The following RNF111 variants were observed in gnomAD, a reference collection of about 807,000 sequenced individuals.
RNF111 encodes the protein ring finger protein 111.
Under a neutral mutation model 95.1 loss-of-function variants are expected in RNF111, and 17 were observed. The ratio of observed to expected loss-of-function variants is 0.18; its 90% confidence interval spans 0.12 to 0.27. The LOEUF (loss-of-function observed/expected upper bound fraction) is 0.27. RNF111 is among the 10% of genes least tolerant of loss of function. The probability of loss-of-function intolerance (pLI) is 1.00; values close to 1 mark genes in which losing one functional copy is unlikely to be tolerated. For synonymous variants in RNF111, 440 were observed against 414.8 expected (o/e 1.06, Z -0.74); for missense variants, 1,189 against 1,210.4 (o/e 0.98, Z 0.26).
intron 1 of RNF111, among the ~76,000 whole-genome samples, chr15:58,999,230 G>A (rs937985598): frequency 6.6e-6 from 1 of 152,162 alleles, no homozygotes; most frequent in Non-Finnish European, 1.5e-5. Flanking sequence ...CTTCTGTTAA[G>A]CTAGTCATTA....
intron 1 of RNF111, among the ~76,000 whole-genome samples, chr15:59,006,904 GC>G (rs1344313448): frequency 3.3e-5 from 5 of 152,120 alleles, no homozygotes; most frequent in Non-Finnish European, 7.3e-5. Context: ...CTCTGCCTCA[GC>G]CCCCCGAGTA....
chr15:59,030,750 A>G (rs1366053946), intron 1 of RNF111, 54 bp from the exon 2 acceptor site: 2 of 1,248,490 alleles, frequency 1.6e-6, no homozygotes, highest in Non-Finnish European at 2.2e-6. Context: ...CTTCAATTAA[A>G]TAGTATAATA....
intron 2 of RNF111, among the ~76,000 whole-genome samples, chr15:59,050,749 T>C (rs976688017): frequency 6.6e-6 from 1 of 152,228 alleles, no homozygotes; most frequent in African/African-American, 2.4e-5. Context: ...TCTTCCTGTC[T>C]CCTTACTTTT....
At chr15:59,063,715 A>G (rs1290780249) in intron 5 of RNF111, among the ~76,000 whole-genome samples, 1 of 152,214 alleles carries the variant, frequency 6.6e-6, no homozygotes, top group African/African-American at 2.4e-5. Flanking sequence ...AAATGCTCGA[A>G]GGCAAAAGAG....
At chr15:58,988,685 G>C (rs2038677695) in intron 1 of RNF111, among the ~76,000 whole-genome samples, 1 of 152,244 alleles carries the variant, frequency 6.6e-6, no homozygotes, top group Non-Finnish European at 1.5e-5. Context: ...ATAGGTTATA[G>C]TAGATAGATC....
rs573181525 is a variant in RNF111 at position 59,096,823 on chromosome 15, G to T, written c.*1923G>T. ...TTTGCCACTGGAATACCCCGGGTCT[G>T]TGCCAAGGGACTGAAGAAGTGTAAG... On this transcript the variant is annotated 3_prime_UTR_variant, in exon 14 of 14. Coordinates refer to ENST00000348370, the MANE Select transcript of RNF111 (RefSeq NM_017610.8). The T allele has an allele frequency of 1.2e-4, 19 of 152,342 alleles. No individual in the cohort carries two copies. The highest frequency in any genetic ancestry group is 3.6e-4 in the African/African-American group (15 of 41,576). The allele number at this position is 152,342 out of a possible 1,614,324, so 9.4% of individuals were successfully genotyped here. A position where few individuals can be genotyped will look rare whatever the true frequency, so the allele number is the denominator to read the frequency against.
intron 1 of RNF111, among the ~76,000 whole-genome samples, chr15:59,000,549 G>A (rs1005914318): frequency 6.6e-6 from 1 of 151,784 alleles, no homozygotes; most frequent in Non-Finnish European, 1.5e-5. Flanking sequence ...CTGTCTCTAC[G>A]AAAAATACAA....
At chr15:59,050,030 A>G (rs1388700563) in intron 2 of RNF111, among the ~76,000 whole-genome samples, 4 of 144,960 alleles carry the variant, frequency 2.8e-5, no homozygotes, top group Non-Finnish European at 6.0e-5. Flanking sequence ...GTGAGCCACC[A>G]CGCCCGGCCC....
At chr15:58,988,512 TACAG>T (rs1294435751) in intron 1 of RNF111, 2 of 152,358 alleles carry the variant, frequency 1.3e-5, no homozygotes, top group Non-Finnish European at 2.9e-5. Flanking sequence ...ACAGCTGAAA[TACAG>T]ACGCGTCAGA....
At chr15:59,081,531 C>CA (rs139290644) in intron 8 of RNF111, among the ~76,000 whole-genome samples, 8,329 of 151,022 alleles carry the variant, frequency 0.055, 770 homozygotes, top group African/African-American at 0.19. Context: ...GCAACAACAA[C>CA]AAAAAAAACC....
intron 10 of RNF111, among the ~76,000 whole-genome samples, chr15:59,086,573 G>T (rs1222953016): frequency 6.6e-6 from 1 of 152,250 alleles, no homozygotes; most frequent in African/African-American, 2.4e-5. Flanking sequence ...ACAGAAAAGG[G>T]AATAGTTTTG....
chr15:59,031,528 A>G lies in RNF111; in HGVS notation c.706A>G (p.Arg236Gly). The G allele has an allele frequency of 6.2e-7, 1 of 1,614,222 alleles. No homozygotes were observed. The highest frequency in any genetic ancestry group is 8.5e-7 in the Non-Finnish European group (1 of 1,180,030). Residue 236 changes from arginine to glycine, a missense_variant, in exon 2 of 14, where the codon AGG (arginine) becomes GGG (glycine). Arg to Gly is a moderately radical substitution (Grantham distance 125, BLOSUM62 -2). This residue lies in a region of RNF111 where 1,024 missense variants were observed against 925.9 expected (regional missense o/e 1.11). Coordinates refer to ENST00000348370, the MANE Select transcript of RNF111 (RefSeq NM_017610.8). ...ACAAAAAGAGAGGATATTAATGCAG[A>G]GGAAGAAACGAGAAGTGTTAGCTCG... The part of the protein sequence containing the change: ...QKQKERILMQ[R>G]KKREVLARRK...
chr15:59,064,843 A>G (rs1343545545), intron 5 of RNF111, among the ~76,000 whole-genome samples: 1 of 152,060 alleles, frequency 6.6e-6, no homozygotes, highest in Non-Finnish European at 1.5e-5. Flanking sequence ...GAAAGGCAGG[A>G]TAAGACATGT....
rs144886792 is a variant in RNF111 at position 59,090,167 on chromosome 15, A to C, written c.2643+408A>C. Among the ~76,000 whole-genome samples the C allele has an allele frequency of 3.3e-5, 5 of 152,264 alleles. No individual in the cohort carries two copies. The East Asian group carries it at 7.7e-4, about 24-fold the overall frequency. ...CTTGTTTGAATTTTCAGGAAGAACA[A>C]ATCATTCGAATGGGATTTAAAGTTT... On this transcript the variant is annotated intron_variant, in intron 11 of 13. Coordinates refer to ENST00000348370, the MANE Select transcript of RNF111 (RefSeq NM_017610.8).
chr15:59,084,290 C>A, intron 9 of RNF111, 36 bp downstream of exon 9: 1 of 1,519,628 alleles, frequency 6.6e-7, no homozygotes, highest in Non-Finnish European at 8.9e-7. Context: ...CAGTGCTTCA[C>A]AGCTTGTGGT....
chr15:59,039,739 A>G (rs1461042128), intron 2 of RNF111, among the ~76,000 whole-genome samples: 3 of 149,850 alleles, frequency 2.0e-5, no homozygotes, highest in Admixed American at 6.6e-5. Context: ...TTTTTTTGAG[A>G]CGGAGTCTTG....
intron 1 of RNF111, among the ~76,000 whole-genome samples, chr15:58,990,999 C>A (rs1244263128): frequency 1.3e-5 from 2 of 151,940 alleles, no homozygotes; most frequent in African/African-American, 4.8e-5. Context: ...TATTTAAAGA[C>A]AAATACTTAG....
Position 59,002,853 on chromosome 15 carries a change from C to T in RNF111, c.-20+14785C>T, listed in dbSNP as rs116294657. On this transcript the variant is annotated intron_variant, in intron 1 of 13. Transcript: ENST00000348370. Reference sequence around the variant, plus strand: ...TCACATAGTCTTTCCTATTTTTTCTCTCCCAGGAATACTCTTCCTCTAGAA... The same window carrying T: ...TCACATAGTCTTTCCTATTTTTTCTTTCCCAGGAATACTCTTCCTCTAGAA... Among the ~76,000 whole-genome samples the T allele has an allele frequency of 3.6e-3, 541 of 152,206 alleles. 4 individuals are homozygous for T. Among genetic ancestry groups the T allele is most frequent in the African/African-American group, 0.013 (520 of 41,530 alleles).
chr15:59,024,158 G>A (rs1404503009), intron 1 of RNF111, among the ~76,000 whole-genome samples: 2 of 151,920 alleles, frequency 1.3e-5, no homozygotes, highest in African/African-American at 4.8e-5. Context: ...GAAATCTTAG[G>A]TATTATTTTC....
Sources: allele counts gnomAD v4.1 joint callset (sites outside exome capture counted in the v4.1 genomes callset), GRCh38; gene constraint gnomAD v4.1.1; regional missense constraint gnomAD v4.1.1; transcripts MANE v1.5; gene names NCBI Gene and HGNC (gene_info 2026-07-23, HGNC 2026-07-21).